Variants in ERP27 observed in about 807,000 individuals in gnomAD.
ERP27 encodes the protein endoplasmic reticulum resident protein 27.
In ERP27, 23 loss-of-function variants were observed where a neutral mutation model predicts 27.7. The observed-to-expected ratio is 0.83, with a 90% CI of 0.60 to 1.18. The LOEUF (loss-of-function observed/expected upper bound fraction) is 1.18, where lower values mean the gene tolerates loss of function less well. Ranked by LOEUF, ERP27 falls within the 50% of genes most tolerant of loss-of-function variation. The pLI, the probability that ERP27 is intolerant of heterozygous loss-of-function variation, is 0.00. For missense variants in ERP27, 363 were observed against 327.9 expected (o/e 1.11, Z -0.83); for synonymous variants, 159 against 118.3 (o/e 1.34, Z -2.23).
intron 3 of ERP27, among the ~76,000 whole-genome samples, chr12:14,930,526 G>A (rs1283861904): frequency 6.6e-6 from 1 of 152,116 alleles, no homozygotes; most frequent in African/African-American, 2.4e-5. Context: ...TCTCTGCTAG[G>A]GCAACAATAA....
At position 14,914,694 on chromosome 12, in the gene ERP27, C is replaced by A; in HGVS notation, c.*41G>T. ...ATTTGAGTTGTGCCTTTTTACTTTG[C>A]ATAAAGTAGATACTTGGCCATATGT... On this transcript the variant is annotated 3_prime_UTR_variant, in exon 7 of 7. Transcript: ENST00000266397. The A allele has an allele frequency of 6.3e-7, 1 of 1,579,688 alleles. No individual in the cohort carries two copies. Among genetic ancestry groups the A allele is most frequent in the Non-Finnish European group, 8.7e-7 (1 of 1,154,896 alleles).
intron 3 of ERP27, among the ~76,000 whole-genome samples, chr12:14,928,694 C>T: frequency 6.6e-6 from 1 of 152,092 alleles, no homozygotes; most frequent in East Asian, 1.9e-4. Context: ...ATCAAAACCA[C>T]AGGGTAAAAA....
At chr12:14,926,041 C>A in intron 3 of ERP27, among the ~76,000 whole-genome samples, 1 of 151,788 alleles carries the variant, frequency 6.6e-6, no homozygotes, top group East Asian at 1.9e-4. Context: ...TGCACTCCAG[C>A]CTGGGCAACA....
chr12:14,921,185 T>A, intron 3 of ERP27, 137 bp from the exon 4 acceptor site: 2 of 681,766 alleles, frequency 2.9e-6, no homozygotes, highest in Non-Finnish European at 5.0e-6. Flanking sequence ...TTCTCTGCCC[T>A]AGGGGGACAA....
chr12:14,928,404 G>T (rs1863642408), intron 3 of ERP27, among the ~76,000 whole-genome samples: 1 of 152,096 alleles, frequency 6.6e-6, no homozygotes, highest in Non-Finnish European at 1.5e-5. Flanking sequence ...CTCCCATTGG[G>T]GTAACTAAAA....
intron 3 of ERP27, chr12:14,929,123 T>G: frequency 2.7e-6 from 4 of 1,471,902 alleles, no homozygotes; most frequent in Non-Finnish European, 3.6e-6. Context: ...CACATCGCTG[T>G]GCATGGATCA....
At chr12:14,923,565 T>C (rs1863548749) in intron 3 of ERP27, among the ~76,000 whole-genome samples, 1 of 151,944 alleles carries the variant, frequency 6.6e-6, no homozygotes, top group Admixed American at 6.6e-5. Context: ...TGGTTCTCTT[T>C]TTCTGGTGAA....
At chr12:14,936,030 C>A (rs1405632785) in intron 2 of ERP27, among the ~76,000 whole-genome samples, 4 of 152,100 alleles carry the variant, frequency 2.6e-5, no homozygotes, top group African/African-American at 9.7e-5. Flanking sequence ...CCAAGATGTA[C>A]TTTAGGATGC....
rs1364053703 is a variant in ERP27 at position 14,934,921 on chromosome 12, T to C, written c.268A>G (p.Ser90Gly). ...QKFPGVSFGISTDSEVLTHYN... is the reference protein window; with the variant it reads ...QKFPGVSFGIGTDSEVLTHYN... ...TGTGTCAGAACCTCAGAATCAGTGC[T>C]GATCCCAAATGACACGCCTGGGAAT... The change falls in exon 3 of 7, where the codon AGC becomes GGC. Residue 90 changes from serine (S) to glycine (G), a missense_variant. Ser to Gly is a moderately conservative substitution (Grantham distance 56). Transcript: ENST00000266397. 6.2e-7 allele frequency: 1 copy of C among 1,614,184 alleles called. No individual in the cohort carries two copies. The highest frequency in any genetic ancestry group is 1.1e-5 in the South Asian group (1 of 91,086).
rs994999595 is a variant in ERP27, at chr12:14,914,623, T to C, written c.*112A>G. 1 of 877,782 alleles carries C rather than the reference T, an allele frequency of 1.1e-6. No individual in the cohort carries two copies. The highest frequency in any genetic ancestry group is 1.7e-5 in the African/African-American group (1 of 60,232). The allele number at this position is 877,782 out of a possible 1,614,324, so 54.4% of individuals were successfully genotyped here. ...GCGTGCGTGTGTGCACGTGCGTGTG[T>C]GTGTGGTTGGCAGGCCTAGTGATCC... On this transcript the variant is annotated 3_prime_UTR_variant, in exon 7 of 7. Coordinates refer to ENST00000266397, the MANE Select transcript of ERP27 (RefSeq NM_152321.4).
chr12:14,927,751 C>T (rs1263030203), intron 3 of ERP27, among the ~76,000 whole-genome samples: 1 of 136,746 alleles, frequency 7.3e-6, no homozygotes, highest in South Asian at 2.2e-4. Context: ...CAGGCACACA[C>T]ACACACACAC....
chr12:14,921,723 G>A (rs74862044), intron 3 of ERP27, among the ~76,000 whole-genome samples: 1,666 of 152,090 alleles, frequency 0.011, 39 homozygotes, highest in African/African-American at 0.038. Flanking sequence ...CACCACCCAA[G>A]TCAAGAAATA....
At chr12:14,929,592 A>G (rs1026537893) in intron 3 of ERP27, among the ~76,000 whole-genome samples, 11 of 152,220 alleles carry the variant, frequency 7.2e-5, no homozygotes, top group Non-Finnish European at 1.5e-5. Context: ...TATTTCAGAG[A>G]AAAGAGGCAG....
chr12:14,931,705 C>T (rs1007202909), intron 3 of ERP27, among the ~76,000 whole-genome samples: 2 of 151,898 alleles, frequency 1.3e-5, no homozygotes, highest in African/African-American at 4.8e-5. Context: ...CGCCAGTGCT[C>T]CTGTTAGAGG....
At position 14,929,042 on chromosome 12, in the gene ERP27, C is replaced by A. The variant is rs980982582; in HGVS notation, c.333+5814G>T. 7.8e-6 allele frequency: 12 copies of A among 1,534,670 alleles called. No homozygotes were observed. In the African/African-American group the frequency reaches 1.5e-4, roughly 19 times the overall value. ...ATCATCATAATCAGGACTCGTTTAACATTTGATGTGTCTAAATGCTTCCTG... is the reference window on the plus strand; with the variant it reads ...ATCATCATAATCAGGACTCGTTTAAAATTTGATGTGTCTAAATGCTTCCTG... On this transcript the variant is annotated intron_variant, in intron 3 of 6. Transcript: ENST00000266397.
At position 14,917,241 on chromosome 12, in the gene ERP27, G is replaced by A. The variant is rs1863424972; in HGVS notation, c.513C>T (p.Ala171=). 6.2e-6 allele frequency: 10 copies of A among 1,614,124 alleles called. No individual in the cohort carries two copies. The highest frequency in any genetic ancestry group is 8.5e-6 in the Non-Finnish European group (10 of 1,180,006). Residue 171 remains alanine (A), a synonymous_variant, in exon 5 of 7, where the codon GCC becomes GCT. Transcript: ENST00000266397. ...GCATGTTCTCTTCATACTCTGGGGA[G>A]GCCTTGTTCATTATCAGGAGGAGAT... The part of the protein sequence containing the change: ...QIHLLLIMNK[A]SPEYEENMHR...
At chr12:14,923,512 T>TATC (rs1272876290) in intron 3 of ERP27, among the ~76,000 whole-genome samples, 2 of 151,830 alleles carry the variant, frequency 1.3e-5, no homozygotes, top group East Asian at 1.9e-4. Context: ...TCTATCTATC[T>TATC]ATCTATCTAT....
chr12:14,929,232 T>G, intron 3 of ERP27: 1 of 953,590 alleles, frequency 1.0e-6, no homozygotes. Flanking sequence ...TTTCTGGACT[T>G]AAAGAATGCA....
At chr12:14,927,134 G>A (rs1468711775) in intron 3 of ERP27, among the ~76,000 whole-genome samples, 3 of 152,140 alleles carry the variant, frequency 2.0e-5, no homozygotes, top group East Asian at 3.8e-4. Flanking sequence ...GAAGTCAGCT[G>A]TGAACCTTAT....
Sources: allele counts gnomAD v4.1 joint callset (sites outside exome capture counted in the v4.1 genomes callset), GRCh38; gene constraint gnomAD v4.1.1; transcripts MANE v1.5; gene names NCBI Gene and HGNC (gene_info 2026-07-23, HGNC 2026-07-21).